MCC: variants seen among roughly 807,000 people sequenced by gnomAD.
The protein encoded by MCC is MCC regulator of Wnt signaling pathway, also known as colorectal mutant cancer protein.
A neutral mutation model predicts 116.2 loss-of-function variants in MCC; 90 were observed. The ratio of observed to expected loss-of-function variants is 0.77; its 90% CI spans 0.65 to 0.92. MCC has a LOEUF of 0.92. MCC is among the 40% of genes least tolerant of loss of function. The pLI, the probability that MCC is intolerant of heterozygous loss-of-function variation, is 0.00. For missense variants in MCC, 1,516 were observed against 1,312.2 expected (o/e 1.16, Z -2.40); for synonymous variants, 578 against 510.5 (o/e 1.13, Z -1.78).
intron 1 of MCC, among the ~76,000 whole-genome samples, chr5:113,427,419 A>G (rs1469710102): frequency 1.3e-5 from 2 of 152,224 alleles, no homozygotes; most frequent in African/African-American, 4.8e-5. Context: ...TTGTAAGAAA[A>G]TCAAGTTATT....
In MCC at chr5:113,401,526, T is replaced by C. The variant is rs534860781; in HGVS notation, c.171-16314A>G. Reference sequence around the variant, plus strand: ...TCAATCCTCTGTCCCTTGGTCCCATTGTCTTTCTCATTTAGCAGCCTTCTC... The same window carrying C: ...TCAATCCTCTGTCCCTTGGTCCCATCGTCTTTCTCATTTAGCAGCCTTCTC... On this transcript the variant is annotated intron_variant, in intron 1 of 18. Transcript: ENST00000408903. 1.2e-4 allele frequency among the ~76,000 whole-genome samples: 18 copies of C among 152,268 alleles called. No homozygotes were observed. In the South Asian group the frequency reaches 3.7e-3, roughly 32 times the overall value.
At chr5:113,036,066 C>T (rs1751314110) in intron 17 of MCC, among the ~76,000 whole-genome samples, 1 of 114,162 alleles carries the variant, frequency 8.8e-6, no homozygotes, top group African/African-American at 3.4e-5. Flanking sequence ...GATGGAGTCT[C>T]ACTCTTTCGC....
intron 3 of MCC, among the ~76,000 whole-genome samples, chr5:113,312,000 G>A (rs1767145204): frequency 6.6e-6 from 1 of 152,210 alleles, no homozygotes; most frequent in South Asian, 2.1e-4. Context: ...CAGCTACTCA[G>A]GAGGCTGAGG....
At chr5:113,201,329 T>C (rs1762667719) in intron 3 of MCC, among the ~76,000 whole-genome samples, 1 of 145,552 alleles carries the variant, frequency 6.9e-6, no homozygotes, top group South Asian at 2.1e-4. Flanking sequence ...GAGGTTGCAG[T>C]GAGCTGAGAT....
intron 2 of MCC, among the ~76,000 whole-genome samples, chr5:113,378,705 CA>C (rs1769041429): frequency 6.6e-6 from 1 of 152,192 alleles, no homozygotes; most frequent in African/African-American, 2.4e-5. Context: ...CAGTGGCCAT[CA>C]GCCTGAAGCA....
intron 1 of MCC, among the ~76,000 whole-genome samples, chr5:113,395,506 A>G (rs190693825): frequency 6.6e-6 from 1 of 152,334 alleles, no homozygotes; most frequent in East Asian, 1.9e-4. Flanking sequence ...TCTTATTTAA[A>G]GTGCCAATTT....
chr5:113,189,518 T>A (rs1762053801), intron 3 of MCC, among the ~76,000 whole-genome samples: 1 of 152,182 alleles, frequency 6.6e-6, no homozygotes, highest in Non-Finnish European at 1.5e-5. Context: ...CCATCCAGGT[T>A]CACTATGACT....
intron 1 of MCC, among the ~76,000 whole-genome samples, chr5:113,452,746 T>C (rs1056310802): frequency 1.3e-5 from 2 of 152,258 alleles, no homozygotes; most frequent in Admixed American, 6.5e-5. Flanking sequence ...TAAGCCACTA[T>C]TCCAGTAATT....
chr5:113,331,041 C>T (rs1412363527), intron 3 of MCC, among the ~76,000 whole-genome samples: 1 of 152,212 alleles, frequency 6.6e-6, no homozygotes, highest in African/African-American at 2.4e-5. Flanking sequence ...TACGCACTAG[C>T]TAACCAGAAC....
rs1445876664 is a variant in MCC at position 113,473,826 on chromosome 5, T to C, written c.170+14419A>G. 3.3e-5 allele frequency among the ~76,000 whole-genome samples: 5 copies of C among 152,296 alleles called. No homozygotes were observed. In the East Asian group the frequency reaches 5.8e-4, roughly 18 times the overall value. On this transcript the variant is annotated intron_variant, in intron 1 of 18. Coordinates refer to ENST00000408903, the MANE Select transcript of MCC (RefSeq NM_001085377.2). The stretch of plus-strand genomic sequence containing the variant: ...GACAGCTGCCCAATAGAGACTAACT[T>C]AAACAGCATGCCTTTCCATAAGAAT...
chr5:113,433,784 C>T (rs770759961), intron 1 of MCC: 2 of 1,613,972 alleles, frequency 1.2e-6, no homozygotes, highest in East Asian at 2.2e-5. Context: ...CTTCCTCTGT[C>T]TCCATAGTCG....
intron 8 of MCC, among the ~76,000 whole-genome samples, chr5:113,091,576 C>A (rs1417425982): frequency 6.6e-6 from 1 of 152,120 alleles, no homozygotes; most frequent in African/African-American, 2.4e-5. Context: ...AAAATAGACA[C>A]CAAATCTTAA....
At chr5:113,034,634 G>A (rs764155092) in intron 17 of MCC, among the ~76,000 whole-genome samples, 1 of 152,252 alleles carries the variant, frequency 6.6e-6, no homozygotes, top group African/African-American at 2.4e-5. Flanking sequence ...AGTAATTGCT[G>A]ATTATATGGA....
At chr5:113,278,386 A>G (rs1397925226) in intron 3 of MCC, among the ~76,000 whole-genome samples, 2 of 152,222 alleles carry the variant, frequency 1.3e-5, no homozygotes, top group Admixed American at 6.5e-5. Flanking sequence ...TCAATGGTGA[A>G]TAACAGCCAT....
intron 3 of MCC, among the ~76,000 whole-genome samples, chr5:113,167,023 C>T (rs919809628): frequency 7.2e-5 from 11 of 152,142 alleles, no homozygotes; most frequent in Non-Finnish European, 1.5e-4. Flanking sequence ...AAAACCTTTC[C>T]AGTCGGGGCG....
At position 113,273,451 on chromosome 5, in the gene MCC, T is replaced by C. The variant is rs78397834; in HGVS notation, c.627+67068A>G. Among the ~76,000 whole-genome samples, 20 of 152,330 alleles carry C rather than the reference T, an allele frequency of 1.3e-4. No individual in the cohort carries two copies. In the East Asian group the frequency reaches 3.3e-3, roughly 25 times the overall value. On this transcript the variant is annotated intron_variant, in intron 3 of 18. Transcript: ENST00000408903. ...TATGCCTACAACATTGCAGGGTCTTTCTCACTTGGGTCTTTGACTTTTTTG... is the reference window on the plus strand; with the variant it reads ...TATGCCTACAACATTGCAGGGTCTTCCTCACTTGGGTCTTTGACTTTTTTG...
At chr5:113,312,790 C>T (rs1401991332) in intron 3 of MCC, among the ~76,000 whole-genome samples, 1 of 152,106 alleles carries the variant, frequency 6.6e-6, no homozygotes, top group African/African-American at 2.4e-5. Flanking sequence ...CCATAAAATT[C>T]ATAATCTAGT....
intron 11 of MCC, among the ~76,000 whole-genome samples, chr5:113,079,644 A>T (rs1444015251): frequency 2.0e-5 from 3 of 152,172 alleles, no homozygotes; most frequent in Non-Finnish European, 2.9e-5. Context: ...TTACACCTTA[A>T]ACAAAAATTA....
chr5:113,368,609 T>G (rs760957849), intron 2 of MCC, among the ~76,000 whole-genome samples: 1 of 151,822 alleles, frequency 6.6e-6, no homozygotes, highest in Non-Finnish European at 1.5e-5. Flanking sequence ...ATTCTCCGTA[T>G]AGGAGAAAAA....
Sources: allele counts gnomAD v4.1 joint callset (sites outside exome capture counted in the v4.1 genomes callset), GRCh38; gene constraint gnomAD v4.1.1; transcripts MANE v1.5; gene names NCBI Gene and HGNC (gene_info 2026-07-23, HGNC 2026-07-21).